The following TSHZ2 variants were observed in gnomAD, a reference collection of about 807,000 sequenced individuals.
TSHZ2 encodes teashirt homolog 2.
A neutral mutation model predicts 74.4 loss-of-function variants in TSHZ2; 21 were observed. The observed-to-expected ratio is 0.28, with a 90% CI of 0.20 to 0.41. TSHZ2 has a LOEUF of 0.41. Among genes scored for constraint, TSHZ2 ranks in the 10% least tolerant of loss-of-function variants. TSHZ2 has a pLI of 1.00. For synonymous variants in TSHZ2, 540 were observed against 515.3 expected (o/e 1.05, Z -0.65); for missense variants, 1,244 against 1,293.5 (o/e 0.96, Z 0.59).
chr20:53,402,293 T>C (rs1982696308), intron 2 of TSHZ2, among the ~76,000 whole-genome samples: 1 of 152,384 alleles, frequency 6.6e-6, no homozygotes, highest in South Asian at 2.1e-4. Context: ...ATAATGGTTG[T>C]ACTAGTTTAC....
At chr20:53,348,912 G>A (rs73913704) in intron 2 of TSHZ2, among the ~76,000 whole-genome samples, 2,675 of 152,196 alleles carry the variant, frequency 0.018, 78 homozygotes, top group African/African-American at 0.062. Flanking sequence ...TCCGAGCCCC[G>A]CAAGGATACC....
At chr20:53,015,588 G>C (rs946772034) in intron 1 of TSHZ2, among the ~76,000 whole-genome samples, 2 of 152,152 alleles carry the variant, frequency 1.3e-5, no homozygotes, top group Admixed American at 1.3e-4. Context: ...GTCTCAAATA[G>C]CACCTGGCAC....
chr20:53,252,233 T>A (rs564485430), intron 1 of TSHZ2, among the ~76,000 whole-genome samples: 2 of 152,338 alleles, frequency 1.3e-5, no homozygotes, highest in East Asian at 3.9e-4. Flanking sequence ...CGTGCCTGCC[T>A]CACAGGATGG....
chr20:52,992,534 C>T (rs889491840), intron 1 of TSHZ2, among the ~76,000 whole-genome samples: 1 of 152,140 alleles, frequency 6.6e-6, no homozygotes, highest in African/African-American at 2.4e-5. Flanking sequence ...ATTATTGTTC[C>T]TTAAGATCAG....
intron 2 of TSHZ2, among the ~76,000 whole-genome samples, chr20:53,351,077 T>C (rs924253975): frequency 1.3e-5 from 2 of 152,244 alleles, no homozygotes; most frequent in Non-Finnish European, 2.9e-5. Context: ...AACATTTCAA[T>C]TGCAATTCGT....
chr20:53,391,809 G>T (rs375932548), intron 2 of TSHZ2, among the ~76,000 whole-genome samples: 16 of 152,118 alleles, frequency 1.1e-4, no homozygotes, highest in African/African-American at 3.9e-4. Context: ...CAGACGTGGT[G>T]GTGTGCACCT....
intron 2 of TSHZ2, chr20:53,398,853 A>T (rs1982552459): frequency 6.6e-6 from 1 of 152,232 alleles, no homozygotes; most frequent in South Asian, 2.1e-4. Context: ...TAGCTATTTC[A>T]TGGGATTCCG....
chr20:53,138,552 T>C (rs1013647396), intron 1 of TSHZ2, among the ~76,000 whole-genome samples: 5 of 152,250 alleles, frequency 3.3e-5, no homozygotes, highest in African/African-American at 1.2e-4. Context: ...GCACACTAAG[T>C]CCTTTCATAT....
At chr20:53,386,130 T>TGA (rs1189628043) in intron 2 of TSHZ2, among the ~76,000 whole-genome samples, 1 of 152,240 alleles carries the variant, frequency 6.6e-6, no homozygotes, top group Non-Finnish European at 1.5e-5. Flanking sequence ...TAGCGTGGCC[T>TGA]GAGAGCCTCA....
chr20:53,186,521 ACT>A (rs1414755572), intron 1 of TSHZ2, among the ~76,000 whole-genome samples: 1 of 152,030 alleles, frequency 6.6e-6, no homozygotes, highest in African/African-American at 2.4e-5. Context: ...TAGGAAGAAA[ACT>A]CTATATGTGC....
intron 1 of TSHZ2, among the ~76,000 whole-genome samples, chr20:53,129,311 A>G (rs1987036188): frequency 6.6e-6 from 1 of 152,154 alleles, no homozygotes; most frequent in Admixed American, 6.6e-5. Context: ...AGATATATAT[A>G]TGTATGGGGT....
intron 2 of TSHZ2, among the ~76,000 whole-genome samples, chr20:53,340,173 C>CTTTTTT (rs1285149762): frequency 5.3e-4 from 33 of 62,102 alleles, no homozygotes; most frequent in African/African-American, 2.3e-3. Context: ...GGTGACTTTT[C>CTTTTTT]TTTCTTTTTT....
intron 2 of TSHZ2, among the ~76,000 whole-genome samples, chr20:53,447,666 A>G (rs1984605402): frequency 1.3e-5 from 2 of 152,074 alleles, no homozygotes; most frequent in Non-Finnish European, 2.9e-5. Context: ...CATGTCTTTT[A>G]TGAGCTTGAC....
intron 1 of TSHZ2, among the ~76,000 whole-genome samples, chr20:52,996,376 C>G (rs1266021270): frequency 6.6e-6 from 1 of 150,928 alleles, no homozygotes; most frequent in African/African-American, 2.4e-5. Flanking sequence ...AATTGAGAAG[C>G]CTGAAATGAT....
intron 2 of TSHZ2, among the ~76,000 whole-genome samples, chr20:53,302,353 C>T (rs1424169644): frequency 6.6e-6 from 1 of 152,102 alleles, no homozygotes; most frequent in Non-Finnish European, 1.5e-5. Context: ...AATCCAGAAA[C>T]GGATTGAGAC....
chr20:53,034,690 A>AG (rs906505564), intron 1 of TSHZ2, among the ~76,000 whole-genome samples: 24 of 152,248 alleles, frequency 1.6e-4, no homozygotes, highest in Non-Finnish European at 3.1e-4. Flanking sequence ...TTTGAGGGCG[A>AG]GGGCTTCCAG....
At chr20:53,094,398 A>G (rs1985975267) in intron 1 of TSHZ2, among the ~76,000 whole-genome samples, 1 of 152,224 alleles carries the variant, frequency 6.6e-6, no homozygotes, top group Non-Finnish European at 1.5e-5. Flanking sequence ...TATATGAGCC[A>G]CACTTTGGGA....
At chr20:53,250,780 A>G (rs1990308150) in intron 1 of TSHZ2, among the ~76,000 whole-genome samples, 1 of 151,922 alleles carries the variant, frequency 6.6e-6, no homozygotes, top group Non-Finnish European at 1.5e-5. Context: ...TAGAAGGACA[A>G]AGTAGATTGT....
chr20:53,115,290 A>G (rs577751264), intron 1 of TSHZ2, among the ~76,000 whole-genome samples: 10 of 152,314 alleles, frequency 6.6e-5, no homozygotes, highest in Admixed American at 6.5e-4. Context: ...TTGTAGCTCC[A>G]ATAATTCCCA....
Sources: allele counts gnomAD v4.1 joint callset (sites outside exome capture counted in the v4.1 genomes callset), GRCh38; gene constraint gnomAD v4.1.1; transcripts MANE v1.5; gene names NCBI Gene and HGNC (gene_info 2026-07-23, HGNC 2026-07-21).